HYCC1: variants seen among roughly 807,000 people sequenced by gnomAD.
HYCC1 encodes the protein hyccin.
At chr7:22,929,398 A>T in the HYCC1 span, among the ~76,000 whole-genome samples, 3 of 152,220 alleles carry the variant, frequency 2.0e-5, no homozygotes, top group African/African-American at 7.2e-5. Context: ...ATCAGAGTGA[A>T]CAGGCAACCT....
At chr7:22,986,495 G>T in the HYCC1 span, among the ~76,000 whole-genome samples, 24 of 152,324 alleles carry the variant, frequency 1.6e-4, no homozygotes, top group African/African-American at 5.5e-4. Flanking sequence ...TCACATTTCA[G>T]AAGGCATAAC....
At chr7:22,899,856 C>G in the HYCC1 span, among the ~76,000 whole-genome samples, 1 of 150,230 alleles carries the variant, frequency 6.7e-6, no homozygotes, top group Admixed American at 6.6e-5. Flanking sequence ...CTCTCTTTTG[C>G]TTTTTTTTTA....
the HYCC1 span, among the ~76,000 whole-genome samples, chr7:22,952,216 G>A: frequency 2.6e-5 from 4 of 151,898 alleles, no homozygotes; most frequent in Non-Finnish European, 5.9e-5. Flanking sequence ...AATTTAAATA[G>A]CAGAAAATGC....
chr7:22,932,148 G>A, the HYCC1 span, among the ~76,000 whole-genome samples: 1 of 152,136 alleles, frequency 6.6e-6, no homozygotes, highest in Non-Finnish European at 1.5e-5. Flanking sequence ...AAATAGAGAT[G>A]GAGTTATCTA....
chr7:22,989,325 A>C, the HYCC1 span, among the ~76,000 whole-genome samples: 1 of 135,582 alleles, frequency 7.4e-6, no homozygotes, highest in Non-Finnish European at 1.6e-5. Context: ...CACACACACA[A>C]GATTTAATCA....
the HYCC1 span, among the ~76,000 whole-genome samples, chr7:22,907,370 G>A: frequency 1.8e-4 from 28 of 152,246 alleles, no homozygotes; most frequent in Admixed American, 4.6e-4. Flanking sequence ...TGGCTGGCAC[G>A]TTACCTTAGC....
At chr7:22,969,357 G>T in the HYCC1 span, among the ~76,000 whole-genome samples, 3 of 151,500 alleles carry the variant, frequency 2.0e-5, no homozygotes, top group East Asian at 3.9e-4. Flanking sequence ...TTAGAGACAG[G>T]GTTTCACCAT....
the HYCC1 span, among the ~76,000 whole-genome samples, chr7:22,897,866 T>C: frequency 6.6e-6 from 1 of 152,082 alleles, no homozygotes; most frequent in Non-Finnish European, 1.5e-5. Context: ...ACTCCTAGGC[T>C]CAAGTGATTC....
the HYCC1 span, among the ~76,000 whole-genome samples, chr7:22,900,198 G>A: frequency 6.6e-6 from 1 of 152,146 alleles, no homozygotes; most frequent in Non-Finnish European, 1.5e-5. Context: ...GATAATTAAA[G>A]GGAAATAACA....
At chr7:22,950,631 T>G in the HYCC1 span, among the ~76,000 whole-genome samples, 1 of 152,010 alleles carries the variant, frequency 6.6e-6, no homozygotes, top group Non-Finnish European at 1.5e-5. Context: ...AAAGCCTCTT[T>G]GTTTTGGAAA....
At chr7:22,896,476 G>A in the HYCC1 span, among the ~76,000 whole-genome samples, 198 of 152,236 alleles carry the variant, frequency 1.3e-3, no homozygotes, top group African/African-American at 4.5e-3. Flanking sequence ...AGACAGCAAG[G>A]CTAAAGCAGA....
the HYCC1 span, among the ~76,000 whole-genome samples, chr7:22,904,723 C>T: frequency 1.6e-4 from 25 of 151,684 alleles, no homozygotes; most frequent in East Asian, 2.1e-3. Flanking sequence ...GTGGGCAGAT[C>T]ACTTGAGGCC....
chr7:22,967,940 C>T, the HYCC1 span, among the ~76,000 whole-genome samples: 1 of 152,114 alleles, frequency 6.6e-6, no homozygotes, highest in South Asian at 2.1e-4. Flanking sequence ...CCATCCCTAT[C>T]TTCTATTAAA....
the HYCC1 span, among the ~76,000 whole-genome samples, chr7:22,958,393 T>G: frequency 6.6e-6 from 1 of 152,270 alleles, no homozygotes; most frequent in African/African-American, 2.4e-5. Context: ...GTTCCATGCA[T>G]GTGACTTACT....
the HYCC1 span, chr7:23,013,778 C>T: frequency 5.7e-6 from 2 of 349,054 alleles, no homozygotes; most frequent in African/African-American, 4.3e-5. Flanking sequence ...GCGCGGGAGC[C>T]GTTACCCCCA....
chr7:22,978,557 G>T, the HYCC1 span: 1 of 944,000 alleles, frequency 1.1e-6, no homozygotes, highest in Non-Finnish European at 1.6e-6. Context: ...ATCTTTTTAA[G>T]TTCTTAAAAT....
the HYCC1 span, among the ~76,000 whole-genome samples, chr7:22,998,696 T>C: frequency 3.1e-4 from 47 of 152,228 alleles, 1 homozygote; most frequent in East Asian, 7.9e-3. Context: ...TGGGCCCTTA[T>C]TTCCTCTGCA....
the HYCC1 span, chr7:22,976,742 C>T: frequency 6.2e-7 from 1 of 1,613,674 alleles, no homozygotes; most frequent in Admixed American, 1.7e-5. Context: ...CCACTGTATA[C>T]CACTTTTGAC....
chr7:22,915,795 CTGG>C, the HYCC1 span, among the ~76,000 whole-genome samples: 1 of 152,200 alleles, frequency 6.6e-6, no homozygotes, highest in Non-Finnish European at 1.5e-5. Flanking sequence ...CTCCCCAACT[CTGG>C]TGCCAACTTG....
Sources: allele counts gnomAD v4.1 joint callset (sites outside exome capture counted in the v4.1 genomes callset), GRCh38; gene constraint gnomAD v4.1.1; transcripts MANE v1.5; gene names NCBI Gene and HGNC (gene_info 2026-07-23, HGNC 2026-07-21).